The following CALD1 variants were observed in gnomAD, a reference collection of about 807,000 sequenced individuals.
CALD1 encodes caldesmon.
A neutral mutation model predicts 99.9 loss-of-function variants in CALD1; 33 were observed. The observed-to-expected ratio is 0.33, with a 90% CI of 0.25 to 0.44. CALD1 has a LOEUF of 0.44. CALD1 is among the 20% of genes least tolerant of loss of function. The probability of loss-of-function intolerance (pLI) is 1.00; values close to 1 mark genes in which losing one functional copy is unlikely to be tolerated. For missense variants in CALD1, 861 were observed against 962.1 expected, an observed-to-expected ratio of 0.89 and a Z score of 1.39; for synonymous variants, 310 against 325.0, an observed-to-expected ratio of 0.95 and a Z score of 0.50.
At chr7:134,891,105 T>C (rs554396152) in intron 3 of CALD1, among the ~76,000 whole-genome samples, 1 of 152,328 alleles carries the variant, frequency 6.6e-6, no homozygotes, top group African/African-American at 2.4e-5. Flanking sequence ...CTTGTCAGAA[T>C]TAGGTTGTAT....
chr7:134,933,984 AG>A lies in CALD1; in HGVS notation c.1219del (p.Glu407LysfsTer3), dbSNP rs772183351. 2 of 1,614,026 alleles carry A rather than the reference AG, an allele frequency of 1.2e-6. No homozygotes were observed. The highest frequency in any genetic ancestry group is 2.2e-5 in the East Asian group (1 of 44,896). ...ATGCCATGCAAGAGACAAAGATAAA[AG>A]GGGAAAAGGTAGAACAGAAAATAGA... ...KHAMQETKIK[G>X]EKVEQKIEGK... On this transcript the variant is annotated frameshift_variant, in exon 5 of 15. Coordinates refer to ENST00000361675, the MANE Select transcript of CALD1 (RefSeq NM_033138.4). LOFTEE classifies it high-confidence loss of function.
chr7:134,825,338 T>C (rs986777540), intron 1 of CALD1, among the ~76,000 whole-genome samples: 2 of 152,226 alleles, frequency 1.3e-5, no homozygotes, highest in African/African-American at 4.8e-5. Context: ...GTTAAGAGAA[T>C]GTAATGTACC....
At chr7:134,785,399 T>C (rs1198962426) in intron 1 of CALD1, among the ~76,000 whole-genome samples, 2 of 152,222 alleles carry the variant, frequency 1.3e-5, no homozygotes, top group African/African-American at 2.4e-5. Context: ...ATGAAAGCAG[T>C]CTTGAAGATT....
At chr7:134,909,359 A>T (rs373831859) in intron 3 of CALD1, among the ~76,000 whole-genome samples, 1 of 152,218 alleles carries the variant, frequency 6.6e-6, no homozygotes, top group Non-Finnish European at 1.5e-5. Context: ...TGGATATTTC[A>T]TTACCAAGGA....
chr7:134,854,662 C>T (rs911978655), intron 2 of CALD1, among the ~76,000 whole-genome samples: 35 of 152,238 alleles, frequency 2.3e-4, no homozygotes, highest in Admixed American at 2.2e-3. Flanking sequence ...ATAGCTGGCC[C>T]GGATTAATGT....
chr7:134,925,705 CCA>C (rs1804954386), intron 3 of CALD1, among the ~76,000 whole-genome samples: 1 of 152,158 alleles, frequency 6.6e-6, no homozygotes, highest in African/African-American at 2.4e-5. Context: ...CAGTCAGCTC[CCA>C]CCACATTCCT....
chr7:134,862,147 C>A (rs1800589754), intron 2 of CALD1, among the ~76,000 whole-genome samples: 1 of 152,106 alleles, frequency 6.6e-6, no homozygotes, highest in South Asian at 2.1e-4. Flanking sequence ...TTATTTCTTA[C>A]CTAAGGTTAT....
chr7:134,799,056 A>G (rs1246452952), intron 1 of CALD1, among the ~76,000 whole-genome samples: 2 of 152,206 alleles, frequency 1.3e-5, no homozygotes, highest in African/African-American at 4.8e-5. Context: ...ACTAGTTACA[A>G]ATTTGCTGCC....
intron 3 of CALD1, among the ~76,000 whole-genome samples, chr7:134,883,640 C>G (rs1407054426): frequency 1.3e-5 from 2 of 152,194 alleles, no homozygotes; most frequent in Non-Finnish European, 2.9e-5. Flanking sequence ...GCTTTCTTCT[C>G]CTACTCTATT....
At chr7:134,846,557 A>C (rs542732449) in intron 2 of CALD1, among the ~76,000 whole-genome samples, 1 of 152,246 alleles carries the variant, frequency 6.6e-6, no homozygotes, top group South Asian at 2.1e-4. Context: ...GTATTTATTC[A>C]TCTCTCTTTT....
At position 134,935,724 on chromosome 7, in the gene CALD1, G is replaced by A. The variant is rs1300482920; in HGVS notation, c.1345G>A (p.Glu449Lys). 8.1e-6 allele frequency: 13 copies of A among 1,604,408 alleles called. No individual in the cohort carries two copies. Among genetic ancestry groups the A allele is most frequent in the African/African-American group, 1.3e-5 (1 of 74,410 alleles). Residue 449 changes from glutamate to lysine, a missense_variant, in exon 6 of 15, where the codon GAA becomes AAA. Coordinates refer to ENST00000361675, the MANE Select transcript of CALD1 (RefSeq NM_033138.4). ...EKGTKVQAKR[E>K]KLQEDKPTFK... ...GGGAACTAAAGTGCAAGCTAAAAGA[G>A]AAAAGCTCCAAGAAGACAAGCCTAC...
At chr7:134,893,042 G>A (rs187518919) in intron 3 of CALD1, among the ~76,000 whole-genome samples, 6 of 152,290 alleles carry the variant, frequency 3.9e-5, no homozygotes, top group Admixed American at 3.9e-4. Context: ...GCAATAGAGC[G>A]TGGGATGCTA....
At chr7:134,867,542 G>T (rs1800858151) in intron 2 of CALD1, among the ~76,000 whole-genome samples, 151 bp from the exon 3 acceptor site, 1 of 152,176 alleles carries the variant, frequency 6.6e-6, no homozygotes, top group Non-Finnish European at 1.5e-5. Context: ...CTCGGCTCAG[G>T]AGTCAGAAAT....
At chr7:134,792,668 G>A (rs1318026780) in intron 1 of CALD1, among the ~76,000 whole-genome samples, 24 of 152,090 alleles carry the variant, frequency 1.6e-4, no homozygotes, top group Non-Finnish European at 1.5e-5. Context: ...GATTACCTCT[G>A]TAAAGACCCT....
intron 3 of CALD1, among the ~76,000 whole-genome samples, chr7:134,890,569 C>A (rs952780238): frequency 6.6e-6 from 1 of 152,168 alleles, no homozygotes; most frequent in African/African-American, 2.4e-5. Flanking sequence ...CAGCTTGGTA[C>A]CCAAATACCA....
At chr7:134,906,524 A>C (rs1366608555) in intron 3 of CALD1, among the ~76,000 whole-genome samples, 1 of 152,216 alleles carries the variant, frequency 6.6e-6, no homozygotes, top group Admixed American at 6.5e-5. Context: ...GCAAATTATC[A>C]CTGTTAAGTA....
chr7:134,832,236 C>T lies in CALD1; in HGVS notation c.-129-11648C>T, dbSNP rs564466193. Among the ~76,000 whole-genome samples the T allele has an allele frequency of 4.3e-4, 65 of 152,316 alleles. 1 individual carries two copies. Among genetic ancestry groups the T allele is most frequent in the Non-Finnish European group, 6.5e-4 (44 of 68,024 alleles). ...AAGCTGTTTCTCTCTGGGGTCTGCA[C>T]TCAGTTAACACTTTTAAATGTTAAC... On this transcript the variant is annotated intron_variant, in intron 1 of 14. Coordinates refer to ENST00000361675, the MANE Select transcript of CALD1 (RefSeq NM_033138.4).
At chr7:134,926,533 C>A (rs1468289711) in intron 3 of CALD1, among the ~76,000 whole-genome samples, 1 of 152,110 alleles carries the variant, frequency 6.6e-6, no homozygotes, top group Non-Finnish European at 1.5e-5. Flanking sequence ...AAGAAGAAAC[C>A]AACCAACCTT....
intron 1 of CALD1, among the ~76,000 whole-genome samples, chr7:134,745,289 C>G (rs12670849): frequency 0.67 from 101,647 of 152,026 alleles, 34,618 homozygotes; most frequent in East Asian, 0.99. Flanking sequence ...AATTAGTTGA[C>G]TAGTTTAGAG....
Sources: gnomAD v4.1 joint callset for allele counts (sites outside exome capture counted in the v4.1 genomes callset) on GRCh38, gnomAD v4.1.1 for gene constraint, MANE v1.5 for transcripts, NCBI Gene and HGNC (gene_info 2026-07-23, HGNC 2026-07-21) for gene names.